The following RBM19 variants were observed in gnomAD, a reference collection of about 807,000 sequenced individuals.
RBM19 encodes the protein RNA binding motif protein 19.
Under a neutral mutation model 116.8 loss-of-function variants are expected in RBM19, and 94 were observed. That is an observed-to-expected ratio of 0.80 (90% CI 0.68 to 0.95). RBM19 has a LOEUF of 0.95. Among genes scored for constraint, RBM19 ranks in the 40% least tolerant of loss-of-function variants. RBM19 has a pLI of 0.00. For synonymous variants in RBM19, 475 were observed against 494.1 expected (o/e 0.96, Z 0.51); for missense variants, 1,161 against 1,220.7 (o/e 0.95, Z 0.73).
intron 21 of RBM19, among the ~76,000 whole-genome samples, chr12:113,895,320 C>A (rs942053817): frequency 6.6e-6 from 1 of 152,096 alleles, no homozygotes; most frequent in Non-Finnish European, 1.5e-5. Flanking sequence ...GATGATGGGG[C>A]AGGGAAGGTG....
intron 20 of RBM19, among the ~76,000 whole-genome samples, chr12:113,915,689 A>T (rs1213699563): frequency 1.3e-5 from 2 of 152,120 alleles, no homozygotes; most frequent in African/African-American, 4.8e-5. Flanking sequence ...GACACTTAGG[A>T]TCTCTGCGAT....
At chr12:113,907,569 C>G (rs1316404770) in intron 21 of RBM19, among the ~76,000 whole-genome samples, 2 of 152,166 alleles carry the variant, frequency 1.3e-5, no homozygotes, top group African/African-American at 4.8e-5. Flanking sequence ...GGGGAAATGA[C>G]CCGGTCCTCG....
At chr12:113,851,389 G>A (rs1487315315) in intron 22 of RBM19, among the ~76,000 whole-genome samples, 1 of 152,204 alleles carries the variant, frequency 6.6e-6, no homozygotes, top group African/African-American at 2.4e-5. Flanking sequence ...AGACAAAAGT[G>A]GGACACACTT....
intron 21 of RBM19, among the ~76,000 whole-genome samples, chr12:113,911,247 C>T (rs1353027475): frequency 1.3e-5 from 2 of 152,338 alleles, no homozygotes; most frequent in African/African-American, 4.8e-5. Context: ...GTGTCTTCCA[C>T]ATTTCCTTTT....
intron 23 of RBM19, among the ~76,000 whole-genome samples, chr12:113,840,689 C>T (rs975352022): frequency 6.6e-6 from 1 of 152,226 alleles, no homozygotes; most frequent in Admixed American, 6.5e-5. Flanking sequence ...TCCCCAGCCC[C>T]TTCTTCCTGC....
At chr12:113,817,569 G>A (rs1874131039), downstream of RBM19, 1 of 152,282 alleles carries the variant, frequency 6.6e-6, no homozygotes, top group Admixed American at 6.5e-5. Flanking sequence ...ACCAGCGGAG[G>A]ATGCCAGCTC....
rs1426270885 is a variant in RBM19 at position 113,945,497 on chromosome 12, T to C, written c.1626+331A>G. Among the ~76,000 whole-genome samples, 3 of 152,194 alleles carry C rather than the reference T, an allele frequency of 2.0e-5. No individual in the cohort carries two copies. The East Asian group carries it at 5.8e-4, about 29-fold the overall frequency. ...GATCTCGGTTTCTTCATCTGGACAA[T>C]GGGATACAACAAACCCTACTTCACA... On this transcript the variant is annotated intron_variant, in intron 13 of 23. Transcript: ENST00000261741.
chr12:113,958,036 C>T lies in RBM19; in HGVS notation c.586G>A (p.Glu196Lys), dbSNP rs144857109. Residue 196 changes from glutamate to lysine, a missense_variant, in exon 6 of 24, where the codon GAA becomes AAA. Glu to Lys is a moderately conservative substitution (Grantham distance 56). Transcript: ENST00000261741. ...GEDLEEEASL[E>K]PKAAVQKELS... Reference sequence around the variant, plus strand: ...TCCTTCTGCACAGCTGCCTTTGGTTCGAGGCTTGCCTCTTCTGGAAAAACA... The same window carrying T: ...TCCTTCTGCACAGCTGCCTTTGGTTTGAGGCTTGCCTCTTCTGGAAAAACA... 3.5e-5 allele frequency: 56 copies of T among 1,610,196 alleles called. No homozygotes were observed. In the African/African-American group the frequency reaches 5.6e-4, roughly 16 times the overall value.
chr12:113,884,127 A>AG (rs71089423), intron 21 of RBM19, among the ~76,000 whole-genome samples: 4 of 151,018 alleles, frequency 2.6e-5, no homozygotes, highest in Non-Finnish European at 5.9e-5. Flanking sequence ...AAAAAAAAAA[A>AG]CAAAAAACTC....
chr12:113,906,624 C>G (rs534280646), intron 21 of RBM19, among the ~76,000 whole-genome samples: 41 of 152,044 alleles, frequency 2.7e-4, no homozygotes, highest in Non-Finnish European at 5.1e-4. Flanking sequence ...GGCAATCACA[C>G]GGGGCAAGGC....
Position 113,948,949 on chromosome 12 carries a change from C to T in RBM19, c.1160G>A (p.Arg387Gln), listed in dbSNP as rs772937607. The T allele has an allele frequency of 2.7e-5, 43 of 1,614,096 alleles. No homozygotes were observed. Among genetic ancestry groups the T allele is most frequent in the Non-Finnish European group, 3.0e-5 (35 of 1,180,046 alleles). ...CTCCTCTTCGTTCTCCCCGAGTATC[C>T]GGCCTTGCCAGGATTTGGTGGTATT... ...PKNTTKSWQG[R>Q]ILGENEEEED... The change falls in exon 10 of 24, where the codon CGG (arginine) becomes CAG (glutamine). Residue 387 changes from arginine to glutamine, a missense_variant. Arg to Gln is a conservative substitution (Grantham distance 43, BLOSUM62 1). Coordinates refer to ENST00000261741, the MANE Select transcript of RBM19 (RefSeq NM_016196.4).
rs543428861 is a variant in RBM19, at chr12:113,950,059, A to C, written c.1072+24T>G. 14 of 1,561,940 alleles carry C rather than the reference A, an allele frequency of 9.0e-6. No individual in the cohort carries two copies. The Admixed American group carries it at 2.2e-4, about 24-fold the overall frequency. On this transcript the variant is annotated intron_variant, in intron 9 of 23. Transcript: ENST00000261741. The stretch of plus-strand genomic sequence containing the variant: ...CGAAGGAACGCTGTAACACAGAGAG[A>C]GCACATGGCCAGGGCTTCCTTACCC...
At chr12:113,844,869 C>A in intron 22 of RBM19, 81 bp from the exon 23 acceptor site, 1 of 1,489,574 alleles carries the variant, frequency 6.7e-7, no homozygotes, top group Non-Finnish European at 9.0e-7. Flanking sequence ...AGCTGCCTGC[C>A]TGCGTCTCAG....
intron 22 of RBM19, among the ~76,000 whole-genome samples, chr12:113,845,313 G>C (rs1468408777): frequency 6.6e-6 from 1 of 152,066 alleles, no homozygotes; most frequent in Non-Finnish European, 1.5e-5. Flanking sequence ...GGTTCCCCCA[G>C]CCCTGCGCTC....
chr12:113,944,642 A>C (rs1408844974), intron 13 of RBM19, among the ~76,000 whole-genome samples: 1 of 151,992 alleles, frequency 6.6e-6, no homozygotes, highest in African/African-American at 2.4e-5. Flanking sequence ...TGCAAAACTA[A>C]AAATAAATTA....
At chr12:113,965,143 C>T (rs1242383757) in intron 1 of RBM19, among the ~76,000 whole-genome samples, 1 of 151,462 alleles carries the variant, frequency 6.6e-6, no homozygotes, top group Non-Finnish European at 1.5e-5. Context: ...CTTGGTGGCG[C>T]GTGTCTGTAG....
At chr12:113,956,280 T>C (rs1193921495) in intron 6 of RBM19, among the ~76,000 whole-genome samples, 1 of 152,022 alleles carries the variant, frequency 6.6e-6, no homozygotes, top group African/African-American at 2.4e-5. Context: ...TTTCATCTCA[T>C]TTGAAAATAC....
chr12:113,908,573 C>CAAAAAAAAAAAA (rs11338829), intron 21 of RBM19, among the ~76,000 whole-genome samples: 3 of 33,218 alleles, frequency 9.0e-5, no homozygotes, highest in South Asian at 4.3e-3. Context: ...AAGAAAATAG[C>CAAAAAAAAAAAA]AAAAAAAAAA....
intron 21 of RBM19, among the ~76,000 whole-genome samples, chr12:113,867,738 T>C (rs2135758048): frequency 6.6e-6 from 1 of 152,178 alleles, no homozygotes; most frequent in Non-Finnish European, 1.5e-5. Context: ...CTGGCCAACA[T>C]GGTGAAGCCC....
Sources: gnomAD v4.1 joint callset for allele counts (sites outside exome capture counted in the v4.1 genomes callset) on GRCh38, gnomAD v4.1.1 for gene constraint, MANE v1.5 for transcripts, NCBI Gene and HGNC (gene_info 2026-07-23, HGNC 2026-07-21) for gene names.